The following MROH1 variants were observed in gnomAD, a reference collection of about 807,000 sequenced individuals.
MROH1 encodes the protein maestro heat like repeat family member 1.
In MROH1, 117 loss-of-function variants were observed where a neutral mutation model predicts 116.5. The observed-to-expected ratio is 1.00, with a 90% CI of 0.86 to 1.17. MROH1 has a LOEUF of 1.17. MROH1 is among the 50% of genes most tolerant of loss of function. The pLI is 0.00. For synonymous variants in MROH1, 921 were observed against 583.9 expected, an observed-to-expected ratio of 1.58 and a Z score of -8.32; for missense variants, 1,873 against 1,338.5, an observed-to-expected ratio of 1.40 and a Z score of -6.23.
chr8:144,253,123 C>G (rs1396609129), intron 33 of MROH1, among the ~76,000 whole-genome samples: 1 of 151,626 alleles, frequency 6.6e-6, no homozygotes, highest in African/African-American at 2.4e-5. Flanking sequence ...CGTTGCACTC[C>G]AGCCTGGGCA....
intron 12 of MROH1, among the ~76,000 whole-genome samples, chr8:144,219,738 T>C (rs1482212540): frequency 6.6e-6 from 1 of 152,138 alleles, no homozygotes; most frequent in Non-Finnish European, 1.5e-5. Flanking sequence ...GAGCATTAAT[T>C]AGGGGAACAT....
chr8:144,240,084 C>T lies in MROH1; in HGVS notation c.1775-17C>T, dbSNP rs1176175731. 1.3e-5 allele frequency: 10 copies of T among 773,416 alleles called. No homozygotes were observed. Among genetic ancestry groups the T allele is most frequent in the East Asian group, 4.9e-5 (2 of 40,952 alleles). The allele number at this position is 773,416 out of a possible 1,614,324, so 47.9% of individuals were successfully genotyped here. ...GTGCGTTTTGGGATGGGCTGGCCTGCGCGGCTGTCGTTTCAGAGCACACAG... is the reference window on the plus strand; with the variant it reads ...GTGCGTTTTGGGATGGGCTGGCCTGTGCGGCTGTCGTTTCAGAGCACACAG... On this transcript the variant is annotated splice_polypyrimidine_tract_variant and intron_variant, in intron 18 of 43. Coordinates refer to ENST00000326134, the MANE Select transcript of MROH1 (RefSeq NM_032450.3).
chr8:144,155,132 G>GT (rs1202134994), intron 1 of MROH1, among the ~76,000 whole-genome samples: 1 of 152,032 alleles, frequency 6.6e-6, no homozygotes, highest in Non-Finnish European at 1.5e-5. Flanking sequence ...TGTATTTTTA[G>GT]TAGACACAGG....
Position 144,240,625 on chromosome 8 carries a change from G to A in MROH1, c.1883G>A (p.Ser628Asn). The change falls in exon 20 of 44, where the codon AGC becomes AAC. Residue 628 changes from serine to asparagine, a missense_variant. Coordinates refer to ENST00000326134, the MANE Select transcript of MROH1 (RefSeq NM_032450.3). ...GACAACGCGTGGATCTGCCAGCTGA[G>A]CCTGGAGCTGTGCAGGCAGCTGCCC... ...ISDNAWICQL[S>N]LELCRQLPCY... 1.4e-6 allele frequency: 1 copy of A among 717,630 alleles called. No homozygotes were observed. The allele number at this position is 717,630 out of a possible 1,614,324, so 44.5% of individuals were successfully genotyped here.
intron 12 of MROH1, among the ~76,000 whole-genome samples, chr8:144,202,498 G>A (rs1206052676): frequency 6.8e-6 from 1 of 148,062 alleles, no homozygotes; most frequent in Non-Finnish European, 1.5e-5. Flanking sequence ...GAGAGGAAGG[G>A]AAGGGAGAAC....
chr8:144,191,411 C>G (rs1250275212), intron 8 of MROH1, among the ~76,000 whole-genome samples: 1 of 152,172 alleles, frequency 6.6e-6, no homozygotes, highest in African/African-American at 2.4e-5. Context: ...CCTCTGCAGT[C>G]CCCATACTTG....
At chr8:144,156,434 C>T (rs999535613) in intron 1 of MROH1, among the ~76,000 whole-genome samples, 2 of 151,812 alleles carry the variant, frequency 1.3e-5, no homozygotes, top group African/African-American at 2.4e-5. Context: ...CAGCTGGGCA[C>T]GGTGGCTCAC....
At position 144,255,694 on chromosome 8, in the gene MROH1, G is replaced by T; in HGVS notation, c.3780G>T (p.Leu1260=). The change falls in exon 35 of 44, where the codon CTG becomes CTT. Residue 1260 remains leucine (L), a synonymous_variant. Coordinates refer to ENST00000326134, the MANE Select transcript of MROH1 (RefSeq NM_032450.3). ...GASPALATRN[L]EPCSSAVDTL... ...GTCCAGCCCTAGCCACCAGGAACCT[G>T]GAACCCTGCAGGTATCTGGGTCCCC... 1.3e-6 allele frequency: 1 copy of T among 758,986 alleles called. No homozygotes were observed. The highest frequency in any genetic ancestry group is 2.4e-6 in the Non-Finnish European group (1 of 408,242). The allele number at this position is 758,986 out of a possible 1,614,324, so 47.0% of individuals were successfully genotyped here.
chr8:144,176,536 G>GAAAA (rs113841473), intron 4 of MROH1, among the ~76,000 whole-genome samples: 3 of 129,622 alleles, frequency 2.3e-5, no homozygotes, highest in South Asian at 2.5e-4. Context: ...CCCTGACTCA[G>GAAAA]AAAAAAAAAA....
At chr8:144,206,516 G>A (rs529873283) in intron 12 of MROH1, among the ~76,000 whole-genome samples, 6 of 150,566 alleles carry the variant, frequency 4.0e-5, no homozygotes, top group Admixed American at 6.6e-5. Flanking sequence ...TCCACCTCCC[G>A]GGTTCAAGCG....
At chr8:144,238,315 AG>A (rs1840390531) in intron 14 of MROH1, among the ~76,000 whole-genome samples, 1 of 152,186 alleles carries the variant, frequency 6.6e-6, no homozygotes, top group Non-Finnish European at 1.5e-5. Flanking sequence ...TGTGGGAAAC[AG>A]AAGTCGTCTG....
At chr8:144,222,809 CCCAGGT>C (rs1002354376) in intron 13 of MROH1, among the ~76,000 whole-genome samples, 3 of 151,076 alleles carry the variant, frequency 2.0e-5, no homozygotes, top group African/African-American at 4.9e-5. Flanking sequence ...CAGGCCCAGG[CCCAGGT>C]ATGTGGGTAC....
At chr8:144,255,295 T>TG (rs1436035064) in intron 34 of MROH1, among the ~76,000 whole-genome samples, 1 of 152,238 alleles carries the variant, frequency 6.6e-6, no homozygotes, top group Non-Finnish European at 1.5e-5. Flanking sequence ...GTCTGTCCTG[T>TG]GAAGGCTGAC....
At chr8:144,193,579 TTTTA>T (rs1209594237) in intron 10 of MROH1, among the ~76,000 whole-genome samples, 5 of 152,158 alleles carry the variant, frequency 3.3e-5, no homozygotes, top group Non-Finnish European at 5.9e-5. Flanking sequence ...AAGACCATAC[TTTTA>T]TTTATTATTT....
At chr8:144,210,754 A>C (rs1476940199) in intron 12 of MROH1, among the ~76,000 whole-genome samples, 1 of 152,080 alleles carries the variant, frequency 6.6e-6, no homozygotes, top group Non-Finnish European at 1.5e-5. Flanking sequence ...TAATGTATAA[A>C]TATATTTTTA....
intron 12 of MROH1, among the ~76,000 whole-genome samples, chr8:144,214,663 C>A (rs11785689): frequency 6.6e-6 from 1 of 152,134 alleles, no homozygotes; most frequent in Non-Finnish European, 1.5e-5. Context: ...GGGGCCGCGG[C>A]CACCCCAGCC....
At chr8:144,154,633 T>C (rs1817608560) in intron 1 of MROH1, among the ~76,000 whole-genome samples, 1 of 152,026 alleles carries the variant, frequency 6.6e-6, no homozygotes, top group Non-Finnish European at 1.5e-5. Context: ...GTGCTACACT[T>C]AATTCTGTGT....
chr8:144,247,040 C>T (rs1842037347), intron 29 of MROH1, among the ~76,000 whole-genome samples: 1 of 152,254 alleles, frequency 6.6e-6, no homozygotes, highest in Non-Finnish European at 1.5e-5. Flanking sequence ...GGCCCTCCTT[C>T]TTGTAGGGGC....
chr8:144,234,772 C>T (rs189279002), intron 14 of MROH1, among the ~76,000 whole-genome samples: 35 of 150,980 alleles, frequency 2.3e-4, no homozygotes, highest in African/African-American at 8.5e-4. Flanking sequence ...CCCACCTTGG[C>T]CTCCTTAAGT....
Sources: gnomAD v4.1 joint callset for allele counts (sites outside exome capture counted in the v4.1 genomes callset) on GRCh38, gnomAD v4.1.1 for gene constraint, MANE v1.5 for transcripts, NCBI Gene and HGNC (gene_info 2026-07-23, HGNC 2026-07-21) for gene names.